CNOT6: variants seen among roughly 807,000 people sequenced by gnomAD.
CNOT6 encodes carbon catabolite repression 4 protein.
Under a neutral mutation model 61.2 loss-of-function variants are expected in CNOT6, and 12 were observed. The ratio of observed to expected loss-of-function variants is 0.20; its 90% CI spans 0.13 to 0.32. The LOEUF is 0.32. Ranked by LOEUF, CNOT6 falls within the 10% of genes least tolerant of loss-of-function variation. The pLI is 1.00. For synonymous variants in CNOT6, 225 were observed against 240.6 expected, an observed-to-expected ratio of 0.94 and a Z score of 0.60; for missense variants, 405 against 663.9, an observed-to-expected ratio of 0.61 and a Z score of 4.28.
At chr5:180,573,740 G>A (rs941898795) in intron 11 of CNOT6, among the ~76,000 whole-genome samples, 1 of 152,092 alleles carries the variant, frequency 6.6e-6, no homozygotes, top group African/African-American at 2.4e-5. Flanking sequence ...GAGAAGCAGA[G>A]GCTGCATCCT....
chr5:180,500,405 C>T (rs1273364127), intron 1 of CNOT6, among the ~76,000 whole-genome samples: 3 of 151,566 alleles, frequency 2.0e-5, no homozygotes, highest in Admixed American at 6.6e-5. Flanking sequence ...AGCCACTGCA[C>T]CTGGCCAAAT....
intron 2 of CNOT6, among the ~76,000 whole-genome samples, chr5:180,537,291 G>A (rs1758747700): frequency 6.6e-6 from 1 of 152,166 alleles, no homozygotes; most frequent in South Asian, 2.1e-4. Context: ...TCCGGATTTG[G>A]TGGTGTTAGT....
chr5:180,500,729 C>G (rs2127690107), intron 1 of CNOT6, among the ~76,000 whole-genome samples: 1 of 152,240 alleles, frequency 6.6e-6, no homozygotes, highest in East Asian at 1.9e-4. Flanking sequence ...AACATGCTAC[C>G]TTTGTGGGGC....
rs1554104989 is a variant in CNOT6 at position 180,577,163 on chromosome 5, A to ATTG, written c.*2964_*2965insTGT. On this transcript the variant is annotated 3_prime_UTR_variant, in exon 12 of 12. Coordinates refer to ENST00000261951, the MANE Select transcript of CNOT6 (RefSeq NM_001370472.1). ...AGATAGGCAGAGAACATCTCCAGAAATGTGTGTGTGTGTGTGTGTGTGTGT... is the reference window on the plus strand; with the variant it reads ...AGATAGGCAGAGAACATCTCCAGAAATTGTGTGTGTGTGTGTGTGTGTGTGTGT... 6.9e-6 allele frequency: 1 copy of ATTG among 145,656 alleles called. No individual in the cohort carries two copies. The highest frequency in any genetic ancestry group is 2.5e-5 in the African/African-American group (1 of 39,318). 9.0% of individuals were successfully genotyped at this position (145,656 alleles called of 1,614,324 possible).
chr5:180,569,380 CATA>C (rs1760631443), intron 10 of CNOT6, 40 bp downstream of exon 10: 2 of 1,426,744 alleles, frequency 1.4e-6, no homozygotes, highest in South Asian at 2.4e-5. Flanking sequence ...TATTTTTTGA[CATA>C]AGATGATTTA....
At chr5:180,570,585 A>G (rs778276558) in intron 10 of CNOT6, among the ~76,000 whole-genome samples, 17 of 152,234 alleles carry the variant, frequency 1.1e-4, no homozygotes, top group Admixed American at 7.2e-4. Context: ...CTGGTCAAAC[A>G]TTAATATCCA....
intron 7 of CNOT6, among the ~76,000 whole-genome samples, chr5:180,566,701 C>G (rs1426638731): frequency 7.6e-5 from 11 of 145,580 alleles, no homozygotes; most frequent in Non-Finnish European, 1.0e-4. Flanking sequence ...TCTCTGTCCC[C>G]CAGGCTGGAA....
intron 1 of CNOT6, among the ~76,000 whole-genome samples, chr5:180,505,569 A>T (rs1757096847): frequency 8.9e-6 from 1 of 112,660 alleles, no homozygotes; most frequent in African/African-American, 3.4e-5. Context: ...TTTTTTTGAG[A>T]CGGAGTCTGG....
At chr5:180,533,312 CTATATATATATATATATATATATA>C (rs56266069) in intron 2 of CNOT6, among the ~76,000 whole-genome samples, 2 of 127,630 alleles carry the variant, frequency 1.6e-5, no homozygotes, top group African/African-American at 6.2e-5. Flanking sequence ...GGATGAAAAC[CTATATATATATATATATATATATA>C]TATATATCAC....
intron 1 of CNOT6, among the ~76,000 whole-genome samples, chr5:180,519,564 C>T (rs1757791667): frequency 6.6e-6 from 1 of 152,132 alleles, no homozygotes; most frequent in Admixed American, 6.5e-5. Flanking sequence ...TGTACATGTA[C>T]ACCTTAAATG....
chr5:180,511,778 T>A lies in CNOT6; in HGVS notation c.-3+17015T>A, dbSNP rs562889693. Reference sequence around the variant, plus strand: ...GAGACCCTGTATCTGAAAAAAAAAATAATTTTAAAAATAAAAAATTTTTTT... The same window carrying A: ...GAGACCCTGTATCTGAAAAAAAAAAAAATTTTAAAAATAAAAAATTTTTTT... On this transcript the variant is annotated intron_variant, in intron 1 of 11. Coordinates refer to ENST00000261951, the MANE Select transcript of CNOT6 (RefSeq NM_001370472.1). Among the ~76,000 whole-genome samples, 35 of 151,396 alleles carry A rather than the reference T, an allele frequency of 2.3e-4. 1 individual carries two copies. Among genetic ancestry groups the A allele is most frequent in the Middle Eastern group, 3.4e-3 (1 of 292 alleles).
At chr5:180,556,058 C>G (rs1468563495) in intron 4 of CNOT6, among the ~76,000 whole-genome samples, 2 of 152,174 alleles carry the variant, frequency 1.3e-5, no homozygotes, top group Non-Finnish European at 2.9e-5. Context: ...CAGAACAATC[C>G]TATCCCCTTT....
At chr5:180,554,081 A>G (rs1038845580) in intron 4 of CNOT6, among the ~76,000 whole-genome samples, 1 of 152,218 alleles carries the variant, frequency 6.6e-6, no homozygotes, top group Non-Finnish European at 1.5e-5. Context: ...AGCCTACTGT[A>G]CAGTTGCTTC....
At chr5:180,520,577 G>A (rs1350294686) in intron 1 of CNOT6, among the ~76,000 whole-genome samples, 2 of 151,978 alleles carry the variant, frequency 1.3e-5, no homozygotes, top group Non-Finnish European at 2.9e-5. Context: ...GGGAGTCAGA[G>A]GTTGCAGTGA....
chr5:180,525,607 T>C (rs1461222999), intron 1 of CNOT6, among the ~76,000 whole-genome samples: 4 of 152,102 alleles, frequency 2.6e-5, no homozygotes, highest in African/African-American at 9.7e-5. Flanking sequence ...TTAAAGTAGC[T>C]TTAACTTTTA....
intron 6 of CNOT6, 104 bp from the exon 7 acceptor site, chr5:180,565,712 TTGAA>T (rs1760414845): frequency 1.2e-5 from 13 of 1,050,720 alleles, no homozygotes; most frequent in South Asian, 1.7e-5. Context: ...TGACTATAGA[TTGAA>T]TGAATACGGT....
At chr5:180,539,033 G>A (rs1437365931) in intron 2 of CNOT6, among the ~76,000 whole-genome samples, 3 of 151,618 alleles carry the variant, frequency 2.0e-5, no homozygotes, top group Non-Finnish European at 4.4e-5. Flanking sequence ...AAATGAGCTG[G>A]GTGTGGTGGT....
chr5:180,495,161 T>C (rs1227056665), intron 1 of CNOT6, among the ~76,000 whole-genome samples: 1 of 152,038 alleles, frequency 6.6e-6, no homozygotes, highest in Non-Finnish European at 1.5e-5. Flanking sequence ...CTGTGTGGAG[T>C]GTGGAGCTTC....
chr5:180,569,027 T>A, intron 9 of CNOT6, 83 bp from the exon 10 acceptor site: 1 of 967,416 alleles, frequency 1.0e-6, no homozygotes, highest in Non-Finnish European at 1.5e-6. Context: ...TCTGAGAGAT[T>A]ATTTGCTTTC....
Sources: allele counts gnomAD v4.1 joint callset (sites outside exome capture counted in the v4.1 genomes callset), GRCh38; gene constraint gnomAD v4.1.1; transcripts MANE v1.5; gene names NCBI Gene and HGNC (gene_info 2026-07-23, HGNC 2026-07-21).